Variants in MGAT1 observed in about 807,000 individuals in gnomAD.
MGAT1 encodes N-glycosyl-oligosaccharide-glycoprotein N-acetylglucosaminyltransferase I.
Under a neutral mutation model 31.7 loss-of-function variants are expected in MGAT1, and 14 were observed. The observed-to-expected ratio is 0.44, with a 90% CI of 0.29 to 0.69. MGAT1 has a LOEUF of 0.69. MGAT1 is among the 30% of genes least tolerant of loss of function. The pLI, the probability that MGAT1 is intolerant of heterozygous loss-of-function variation, is 0.12. For missense variants in MGAT1, 557 were observed against 626.0 expected (o/e 0.89, Z 1.18); for synonymous variants, 338 against 276.0 (o/e 1.22, Z -2.23).
At chr5:180,801,781 C>T (rs962500191) in intron 1 of MGAT1, among the ~76,000 whole-genome samples, 2 of 152,220 alleles carry the variant, frequency 1.3e-5, no homozygotes, top group African/African-American at 4.8e-5. Context: ...GTGACAATTT[C>T]CCTACTGCCC....
At chr5:180,803,126 G>C (rs1383106968), upstream of MGAT1, among the ~76,000 whole-genome samples, 1 of 152,134 alleles carries the variant, frequency 6.6e-6, no homozygotes, top group Non-Finnish European at 1.5e-5. Context: ...GCCTGAAGTG[G>C]GCCCGCAGTC....
At position 180,787,392 on chromosome 5, in the gene MGAT1, G is replaced by A. The variant is rs1780274448; in HGVS notation, c.*4242C>T. On this transcript the variant is annotated 3_prime_UTR_variant, in exon 2 of 2. Coordinates refer to ENST00000307826, the MANE Select transcript of MGAT1 (RefSeq NM_002406.4). ...ACTGACCTCTACAGAGGTCTCATCA[G>A]AAAGCCTGAAATCCCACGTTAGATA... 1 of 152,234 alleles carries A rather than the reference G, an allele frequency of 6.6e-6. No homozygotes were observed. The highest frequency in any genetic ancestry group is 6.5e-5 in the Admixed American group (1 of 15,288). The allele number at this position is 152,234 out of a possible 1,614,324, so 9.4% of individuals were successfully genotyped here. A position where few individuals can be genotyped will look rare whatever the true frequency, so the allele number is the denominator to read the frequency against.
intron 1 of MGAT1, among the ~76,000 whole-genome samples, chr5:180,793,984 T>G (rs952928972): frequency 6.6e-6 from 1 of 152,112 alleles, no homozygotes; most frequent in African/African-American, 2.4e-5. Flanking sequence ...AAAAATACCT[T>G]TTTATGGAGC....
intron 1 of MGAT1, among the ~76,000 whole-genome samples, chr5:180,813,111 G>C (rs1179572810): frequency 2.0e-5 from 3 of 150,202 alleles, no homozygotes; most frequent in African/African-American, 7.4e-5. Context: ...TTAGGATAAA[G>C]TCTGGGAACT....
At position 180,790,019 on chromosome 5, in the gene MGAT1, T is replaced by C. The variant is rs933707911; in HGVS notation, c.*1615A>G. On this transcript the variant is annotated 3_prime_UTR_variant, in exon 2 of 2. Transcript: ENST00000307826. ...CAGAGGTAACAGTCTGTCTGTGTTC[T>C]GGGTATTAGCAAAACAGGCACTCTC... 6.6e-6 allele frequency: 1 copy of C among 152,194 alleles called. No individual in the cohort carries two copies. Among genetic ancestry groups the C allele is most frequent in the Non-Finnish European group, 1.5e-5 (1 of 68,036 alleles). 9.4% of individuals were successfully genotyped at this position (152,194 alleles called of 1,614,324 possible). A position where few individuals can be genotyped will look rare whatever the true frequency, so the allele number is the denominator to read the frequency against.
In MGAT1 at chr5:180,787,780, T is replaced by C. The variant is rs1055663429; in HGVS notation, c.*3854A>G. 2 of 152,248 alleles carry C rather than the reference T, an allele frequency of 1.3e-5. No homozygotes were observed. Among genetic ancestry groups the C allele is most frequent in the Non-Finnish European group, 2.9e-5 (2 of 68,084 alleles). The allele number at this position is 152,248 out of a possible 1,614,324, so 9.4% of individuals were successfully genotyped here. On this transcript the variant is annotated 3_prime_UTR_variant, in exon 2 of 2. Coordinates refer to ENST00000307826, the MANE Select transcript of MGAT1 (RefSeq NM_002406.4). ...CCCCTCAGCCTTGGCAGGCTTCTCA[T>C]GCAGGGCCCAGTGAAGGCTCAGGAG...
upstream of MGAT1, among the ~76,000 whole-genome samples, chr5:180,806,215 G>A (rs1410694102): frequency 6.6e-6 from 1 of 152,048 alleles, no homozygotes; most frequent in African/African-American, 2.4e-5. Flanking sequence ...GAACCCAGGA[G>A]GTGGAGGTTT....
At position 180,792,511 on chromosome 5, in the gene MGAT1, G is replaced by A. The variant is rs775870224; in HGVS notation, c.461C>T (p.Ser154Phe). 1.1e-5 allele frequency: 17 copies of A among 1,613,026 alleles called. No homozygotes were observed. In the South Asian group the frequency reaches 1.5e-4, roughly 15 times the overall value. The change falls in exon 2 of 2, where the codon TCC (serine) becomes TTC (phenylalanine). Residue 154 changes from serine (S) to phenylalanine (F), a missense_variant. Physicochemically the swap from Ser to Phe is radical, Grantham distance 155. Transcript: ENST00000307826. ...GATGTGCGTGACCGCGCTGCCGTAG[G>A]AGGCGATGGCCTGGGCCGTCTCCTC... Reference protein sequence around the residue: ...GHEETAQAIASYGSAVTHIRQ... With the variant: ...GHEETAQAIAFYGSAVTHIRQ...
At chr5:180,813,928 G>C (rs1197556585) in intron 1 of MGAT1, among the ~76,000 whole-genome samples, 1 of 152,192 alleles carries the variant, frequency 6.6e-6, no homozygotes, top group Non-Finnish European at 1.5e-5. Context: ...CCAAACTTAT[G>C]TATCAGGGCT....
In MGAT1 at chr5:180,788,624, C is replaced by G. The variant is rs948927573; in HGVS notation, c.*3010G>C. 6.6e-6 allele frequency: 1 copy of G among 152,282 alleles called. No homozygotes were observed. The highest frequency in any genetic ancestry group is 2.4e-5 in the African/African-American group (1 of 41,460). The allele number at this position is 152,282 out of a possible 1,614,324, so 9.4% of individuals were successfully genotyped here. A position where few individuals can be genotyped will look rare whatever the true frequency, so the allele number is the denominator to read the frequency against. On this transcript the variant is annotated 3_prime_UTR_variant, in exon 2 of 2. Transcript: ENST00000307826. ...AAACAGTACCCACCGCCTAGGCTTG[C>G]TCTGAGGATCAAGTAAGTTGGTACT...
chr5:180,800,062 T>C (rs188618967), intron 1 of MGAT1, among the ~76,000 whole-genome samples: 29 of 152,240 alleles, frequency 1.9e-4, no homozygotes, highest in African/African-American at 7.0e-4. Flanking sequence ...AAGAACCACA[T>C]AGCTGAGATG....
intron 1 of MGAT1, chr5:180,795,280 T>C (rs1016839042): frequency 4.4e-5 from 5 of 112,758 alleles, no homozygotes; most frequent in Admixed American, 2.9e-4. Flanking sequence ...TTTACAGGTA[T>C]ATATATATAT....
In MGAT1 at chr5:180,792,171, C is replaced by A. The variant is rs1288035515; in HGVS notation, c.801G>T (p.Leu267=). 2.5e-6 allele frequency: 4 copies of A among 1,613,182 alleles called. No homozygotes were observed. Among genetic ancestry groups the A allele is most frequent in the Non-Finnish European group, 3.4e-6 (4 of 1,179,996 alleles). Residue 267 remains leucine, a synonymous_variant, in exon 2 of 2, where the codon CTG becomes CTT. Transcript: ENST00000307826. ...LLYRTDFFPG[L]GWLLLAELWA... ...AGAGCTCGGCCAACAGCAGCCAGCC[C>A]AGGCCAGGGAAAAAGTCGGTGCGGT...
At chr5:180,811,712 G>A (rs1462301476) in intron 1 of MGAT1, among the ~76,000 whole-genome samples, 1 of 151,336 alleles carries the variant, frequency 6.6e-6, no homozygotes, top group Non-Finnish European at 1.5e-5. Flanking sequence ...CAGGGATCCT[G>A]TCGTTTCTGT....
chr5:180,797,439 G>A (rs866812183), intron 1 of MGAT1, among the ~76,000 whole-genome samples: 3 of 145,318 alleles, frequency 2.1e-5, no homozygotes, highest in Non-Finnish European at 3.0e-5. Flanking sequence ...AGGGGGGGGG[G>A]GCCCAGAGGG....
Position 180,791,839 on chromosome 5 carries a change from C to G in MGAT1, c.1133G>C (p.Arg378Pro), listed in dbSNP as rs144433730. Residue 378 changes from arginine (R) to proline (P), a missense_variant, in exon 2 of 2, where the codon CGG (arginine) becomes CCG (proline). This residue lies in a region of MGAT1 where 145 missense variants were observed against 143.2 expected (regional missense o/e 1.01). Coordinates refer to ENST00000307826, the MANE Select transcript of MGAT1 (RefSeq NM_002406.4). ...CACCCGCACCTCCCCCAGCTCCTTCCGGTCATTGGTCCTCACTTTCTCCAC... is the reference window on the plus strand; with the variant it reads ...CACCCGCACCTCCCCCAGCTCCTTCGGGTCATTGGTCCTCACTTTCTCCAC... Reference protein sequence around the residue: ...LQVEKVRTNDRKELGEVRVQY... With the variant: ...LQVEKVRTNDPKELGEVRVQY... 7.4e-6 allele frequency: 12 copies of G among 1,614,102 alleles called. No individual in the cohort carries two copies. The African/African-American group carries it at 1.6e-4, about 22-fold the overall frequency.
chr5:180,794,023 A>G (rs76897687), intron 1 of MGAT1, among the ~76,000 whole-genome samples: 1,546 of 152,162 alleles, frequency 0.01, 14 homozygotes, highest in East Asian at 0.034. Context: ...AGTTCACATG[A>G]AAAACTAGGA....
At chr5:180,811,803 C>G (rs907477388) in intron 1 of MGAT1, among the ~76,000 whole-genome samples, 1 of 152,220 alleles carries the variant, frequency 6.6e-6, no homozygotes, top group African/African-American at 2.4e-5. Flanking sequence ...GCCGGACAAC[C>G]CACTGGCCTG....
chr5:180,803,330 C>T (rs1581893743), upstream of MGAT1: 1 of 152,752 alleles, frequency 6.5e-6, no homozygotes, highest in African/African-American at 2.4e-5. Flanking sequence ...GCTGTGGCTT[C>T]TTCCCTTTTG....
Sources: allele counts gnomAD v4.1 joint callset (sites outside exome capture counted in the v4.1 genomes callset), GRCh38; gene constraint gnomAD v4.1.1; regional missense constraint gnomAD v4.1.1; transcripts MANE v1.5; gene names NCBI Gene and HGNC (gene_info 2026-07-23, HGNC 2026-07-21).